The following FHOD3 variants were observed in gnomAD, a reference collection of about 807,000 sequenced individuals.
FHOD3 encodes FH1/FH2 domain-containing protein 3.
A neutral mutation model predicts 173.0 loss-of-function variants in FHOD3; 90 were observed. The observed-to-expected ratio is 0.52, with a 90% CI of 0.44 to 0.62. The LOEUF is 0.62. Ranked by LOEUF, FHOD3 falls within the 20% of genes least tolerant of loss-of-function variation. FHOD3 has a pLI of 0.00. For missense variants in FHOD3, 1,945 were observed against 2,034.7 expected (o/e 0.96, Z 0.85); for synonymous variants, 828 against 823.0 (o/e 1.01, Z -0.10).
intron 15 of FHOD3, among the ~76,000 whole-genome samples, chr18:36,683,899 G>C (rs1412010136): frequency 6.6e-6 from 1 of 152,202 alleles, no homozygotes; most frequent in African/African-American, 2.4e-5. Context: ...TGCAGATGCA[G>C]TTACCAAAAG....
chr18:36,701,487 G>A (rs557933045), intron 17 of FHOD3, among the ~76,000 whole-genome samples: 27 of 152,202 alleles, frequency 1.8e-4, no homozygotes, highest in African/African-American at 1.9e-4. Context: ...AATCAGAAGC[G>A]TAATCTGAGG....
At position 36,576,623 on chromosome 18, in the gene FHOD3, C is replaced by T. The variant is rs1030422807; in HGVS notation, c.606+78C>T. 3.5e-6 allele frequency: 4 copies of T among 1,138,458 alleles called. No homozygotes were observed. The African/African-American group carries it at 6.3e-5, about 18-fold the overall frequency. The allele number at this position is 1,138,458 out of a possible 1,614,324, so 70.5% of individuals were successfully genotyped here. Reference sequence around the variant, plus strand: ...TTCTTTTTTCTCTGAGTCAGTTTTGCAGAAAGAAATTTTATTCAGCTTTTT... The same window carrying T: ...TTCTTTTTTCTCTGAGTCAGTTTTGTAGAAAGAAATTTTATTCAGCTTTTT... On this transcript the variant is annotated intron_variant, in intron 6 of 28. Coordinates refer to ENST00000590592, the MANE Select transcript of FHOD3 (RefSeq NM_001281740.3).
At chr18:36,379,808 G>A (rs1017445199) in intron 3 of FHOD3, among the ~76,000 whole-genome samples, 2 of 152,194 alleles carry the variant, frequency 1.3e-5, no homozygotes, top group Admixed American at 6.5e-5. Context: ...CCAGCTCTGA[G>A]TGCCTTTGGC....
At chr18:36,448,039 T>A (rs2051599802) in intron 3 of FHOD3, among the ~76,000 whole-genome samples, 1 of 151,800 alleles carries the variant, frequency 6.6e-6, no homozygotes, top group Non-Finnish European at 1.5e-5. Context: ...CAAAAATAAA[T>A]AACAAAAAGA....
intron 10 of FHOD3, among the ~76,000 whole-genome samples, chr18:36,639,843 G>C (rs2035182975): frequency 6.6e-6 from 1 of 150,432 alleles, no homozygotes; most frequent in Non-Finnish European, 1.5e-5. Context: ...ACAAAGTCAA[G>C]GTATACACAA....
rs376642468 is a variant in FHOD3, at chr18:36,693,175, G to C, written c.2022-34G>C. On this transcript the variant is annotated intron_variant, in intron 16 of 28. Transcript: ENST00000590592. ...AGCATCAGCCACAGGCTCCTCTTTC[G>C]TTTGACGGAAACCCTTTGGAATTTA... The C allele has an allele frequency of 1.7e-5, 27 of 1,590,810 alleles. No homozygotes were observed. The Admixed American group carries it at 3.1e-4, about 19-fold the overall frequency.
At chr18:36,331,918 G>A (rs566455147) in intron 1 of FHOD3, among the ~76,000 whole-genome samples, 110 of 152,262 alleles carry the variant, frequency 7.2e-4, no homozygotes, top group Non-Finnish European at 1.2e-3. Flanking sequence ...TGGTGGGCGG[G>A]TGGACTAGAG....
chr18:36,528,317 A>T (rs1046731996), intron 5 of FHOD3, among the ~76,000 whole-genome samples: 3 of 152,216 alleles, frequency 2.0e-5, no homozygotes, highest in African/African-American at 7.2e-5. Flanking sequence ...TGACATTCTT[A>T]GCTTGTCCCA....
At chr18:36,429,999 A>G (rs12967971) in intron 3 of FHOD3, among the ~76,000 whole-genome samples, 16,192 of 152,138 alleles carry the variant, frequency 0.11, 1,161 homozygotes, top group Non-Finnish European at 0.16. Context: ...GTGGGCACCA[A>G]ACCTCTGCGC....
rs74988124 is a variant in FHOD3, at chr18:36,652,903, G to A, written c.1620G>A (p.Lys540=). Residue 540 remains lysine (K), a synonymous_variant, in exon 12 of 29, where the codon AAG becomes AAA. Coordinates refer to ENST00000590592, the MANE Select transcript of FHOD3 (RefSeq NM_001281740.3). The part of the protein sequence containing the change: ...FEDSSLSTKE[K]EAESQKENSS... ...ACTCCTCCCTGTCCACCAAGGAGAA[G>A]GAAGCAGAGTCCCAGAAGGAAAACA... 1,513 of 1,534,260 alleles carry A rather than the reference G, an allele frequency of 9.9e-4. 11 individuals are homozygous for A. The African/African-American group carries it at 0.018, about 19-fold the overall frequency.
At chr18:36,769,541 A>G in intron 28 of FHOD3, 115 bp downstream of exon 28, 4 of 1,362,870 alleles carry the variant, frequency 2.9e-6, no homozygotes, top group Non-Finnish European at 4.0e-6. Context: ...TGGCTCCCAG[A>G]GTGCCTACTT....
At chr18:36,636,005 T>A (rs2034855542) in intron 10 of FHOD3, among the ~76,000 whole-genome samples, 1 of 152,108 alleles carries the variant, frequency 6.6e-6, no homozygotes, top group Non-Finnish European at 1.5e-5. Flanking sequence ...AAACAAGCTG[T>A]TTACTATGGG....
intron 6 of FHOD3, among the ~76,000 whole-genome samples, chr18:36,584,631 C>A (rs1415784528): frequency 6.6e-6 from 1 of 151,928 alleles, no homozygotes; most frequent in Non-Finnish European, 1.5e-5. Context: ...TTTTATAATT[C>A]AGTTAATGAT....
chr18:36,526,244 T>G (rs1282742693), intron 5 of FHOD3, among the ~76,000 whole-genome samples: 1 of 151,880 alleles, frequency 6.6e-6, no homozygotes, highest in Admixed American at 6.6e-5. Flanking sequence ...AAACACTGTA[T>G]TTGTTAGGCA....
At chr18:36,521,255 C>A (rs1599492646) in intron 5 of FHOD3, among the ~76,000 whole-genome samples, 1 of 152,120 alleles carries the variant, frequency 6.6e-6, no homozygotes, top group Non-Finnish European at 1.5e-5. Context: ...ATTTCCCCTG[C>A]CATTAATGTG....
intron 3 of FHOD3, among the ~76,000 whole-genome samples, chr18:36,482,381 T>C (rs1404641653): frequency 6.6e-6 from 1 of 152,214 alleles, no homozygotes; most frequent in African/African-American, 2.4e-5. Flanking sequence ...CAGGGAAGTC[T>C]CACCCAGAAG....
At chr18:36,729,688 C>G (rs1407962780) in intron 19 of FHOD3, among the ~76,000 whole-genome samples, 2 of 152,202 alleles carry the variant, frequency 1.3e-5, no homozygotes, top group African/African-American at 4.8e-5. Flanking sequence ...GGATCCCACC[C>G]TCGTGACCTC....
intron 7 of FHOD3, among the ~76,000 whole-genome samples, chr18:36,595,583 T>C (rs1420609835): frequency 6.6e-6 from 1 of 152,188 alleles, no homozygotes; most frequent in African/African-American, 2.4e-5. Flanking sequence ...TGCCCATCCC[T>C]GTCTCTCCAA....
Position 36,597,014 on chromosome 18 carries a change from A to G in FHOD3, c.718+2116A>G, listed in dbSNP as rs146970483. 5.0e-3 allele frequency among the ~76,000 whole-genome samples: 763 copies of G among 152,008 alleles called. 2 individuals carry two copies. The highest frequency in any genetic ancestry group is 0.014 in the African/African-American group (599 of 41,424). On this transcript the variant is annotated intron_variant, in intron 7 of 28. Coordinates refer to ENST00000590592, the MANE Select transcript of FHOD3 (RefSeq NM_001281740.3). Reference sequence around the variant, plus strand: ...TGGAGGATTTGTGTTTCATCTCCTAACTCTGGCGGTTGCTTGAGGACAACT... The same window carrying G: ...TGGAGGATTTGTGTTTCATCTCCTAGCTCTGGCGGTTGCTTGAGGACAACT...
Sources: allele counts gnomAD v4.1 joint callset (sites outside exome capture counted in the v4.1 genomes callset), GRCh38; gene constraint gnomAD v4.1.1; transcripts MANE v1.5; gene names NCBI Gene and HGNC (gene_info 2026-07-23, HGNC 2026-07-21).